Variants in METTL15 observed in about 807,000 individuals in gnomAD.
METTL15 encodes 12S rRNA N(4)-cytidine methyltransferase METTL15.
A neutral mutation model predicts 38.3 loss-of-function variants in METTL15; 34 were observed. The ratio of observed to expected loss-of-function variants is 0.89; its 90% CI spans 0.68 to 1.18. The LOEUF is 1.18. Ranked by LOEUF, METTL15 falls within the 50% of genes most tolerant of loss-of-function variation. The pLI, the probability that METTL15 is intolerant of heterozygous loss-of-function variation, is 0.00. For missense variants in METTL15, 438 were observed against 498.4 expected, an observed-to-expected ratio of 0.88 and a Z score of 1.15; for synonymous variants, 162 against 170.9, an observed-to-expected ratio of 0.95 and a Z score of 0.41.
rs1469932193 is a variant in METTL15, at chr11:28,368,912, A to G, written c.*358+6876A>G. Among the ~76,000 whole-genome samples, 3 of 152,112 alleles carry G rather than the reference A, an allele frequency of 2.0e-5. No individual in the cohort carries two copies. The East Asian group carries it at 5.8e-4, about 29-fold the overall frequency. ...CAAACTATCACAAGAACAGAAAACCAAACACCATATGTTCTCACTCATAAG... is the reference window on the plus strand; with the variant it reads ...CAAACTATCACAAGAACAGAAAACCGAACACCATATGTTCTCACTCATAAG... On this transcript the variant is annotated intron_variant and NMD_transcript_variant, in intron 5 of 7. Coordinates refer to the METTL15 transcript ENST00000532947.
chr11:28,230,733 T>G (rs537310422), intron 4 of METTL15, among the ~76,000 whole-genome samples: 5 of 151,944 alleles, frequency 3.3e-5, no homozygotes, highest in African/African-American at 1.2e-4. Flanking sequence ...CCCCCCATTT[T>G]TGCCTGATAT....
At chr11:28,406,935 G>GAAATAA (rs1307706984) in intron 5 of METTL15, among the ~76,000 whole-genome samples, 1 of 152,138 alleles carries the variant, frequency 6.6e-6, no homozygotes, top group African/African-American at 2.4e-5. Flanking sequence ...TGTGTCTATT[G>GAAATAA]AAATAATCAG....
intron 5 of METTL15, among the ~76,000 whole-genome samples, chr11:28,375,738 A>C (rs1302523446): frequency 6.6e-6 from 1 of 151,720 alleles, no homozygotes; most frequent in African/African-American, 2.4e-5. Flanking sequence ...TTGCTTTTCT[A>C]GTTCTTTTAA....
chr11:28,360,770 T>C (rs112017167), intron 4 of METTL15, among the ~76,000 whole-genome samples: 2 of 151,492 alleles, frequency 1.3e-5, no homozygotes, highest in African/African-American at 4.8e-5. Context: ...AACTCGTCAT[T>C]TAGCATTAGG....
intron 4 of METTL15, chr11:28,261,230 A>G (rs1055950159): frequency 3.9e-5 from 6 of 152,260 alleles, no homozygotes; most frequent in Non-Finnish European, 7.3e-5. Flanking sequence ...CAAAGAAATA[A>G]AGAAAAACAC....
chr11:28,154,021 T>C (rs1850181036), intron 3 of METTL15, among the ~76,000 whole-genome samples: 1 of 152,188 alleles, frequency 6.6e-6, no homozygotes, highest in Non-Finnish European at 1.5e-5. Flanking sequence ...ATAATGGAGC[T>C]GTTTGAATTT....
chr11:28,134,720 G>A lies in METTL15; in HGVS notation c.270+21116G>A, dbSNP rs536412505. On this transcript the variant is annotated intron_variant, in intron 3 of 6. Coordinates refer to ENST00000407364, the MANE Select transcript of METTL15 (RefSeq NM_001113528.2). ...TTGCATCACCATTTGAAGTTTAATGGCCTCCAAGCAAAAAGGAACAATTCG... is the reference window on the plus strand; with the variant it reads ...TTGCATCACCATTTGAAGTTTAATGACCTCCAAGCAAAAAGGAACAATTCG... 4 of 396,816 alleles carry A rather than the reference G, an allele frequency of 1.0e-5. No homozygotes were observed. In the South Asian group the frequency reaches 5.4e-4, roughly 53 times the overall value. The allele number at this position is 396,816 out of a possible 1,614,324, so 24.6% of individuals were successfully genotyped here.
At chr11:28,261,736 G>A (rs1855210413) in intron 4 of METTL15, among the ~76,000 whole-genome samples, 1 of 152,078 alleles carries the variant, frequency 6.6e-6, no homozygotes, top group Non-Finnish European at 1.5e-5. Flanking sequence ...AGTAAAAATA[G>A]TTGGCTATTA....
intron 3 of METTL15, among the ~76,000 whole-genome samples, chr11:28,205,686 A>G (rs900375539): frequency 1.3e-5 from 2 of 151,290 alleles, no homozygotes; most frequent in African/African-American, 4.9e-5. Flanking sequence ...CGCCACACTG[A>G]CTTCCACAAT....
intron 3 of METTL15, among the ~76,000 whole-genome samples, chr11:28,348,596 T>G (rs1202624652): frequency 6.6e-6 from 1 of 152,114 alleles, no homozygotes; most frequent in Non-Finnish European, 1.5e-5. Flanking sequence ...CTCGAACTTC[T>G]GGACTCAAGC....
intron 3 of METTL15, among the ~76,000 whole-genome samples, chr11:28,143,375 C>CT (rs772088974): frequency 9.2e-5 from 14 of 152,168 alleles, no homozygotes; most frequent in Non-Finnish European, 1.6e-4. Context: ...TGAAGGGACT[C>CT]TTAATTCCCA....
chr11:28,142,500 T>C (rs1849734074), intron 3 of METTL15, among the ~76,000 whole-genome samples: 1 of 152,200 alleles, frequency 6.6e-6, no homozygotes, highest in Non-Finnish European at 1.5e-5. Context: ...CAGATAACTT[T>C]TTGATTTGGT....
intron 6 of METTL15, among the ~76,000 whole-genome samples, chr11:28,321,274 C>T (rs1445086316): frequency 6.6e-6 from 1 of 152,054 alleles, no homozygotes; most frequent in Non-Finnish European, 1.5e-5. Flanking sequence ...ATGATTTCAT[C>T]CTAGAATGGA....
In METTL15 at chr11:28,286,933, C is replaced by T. The variant is rs142501830; in HGVS notation, c.408-3273C>T. On this transcript the variant is annotated intron_variant, in intron 4 of 6. Coordinates refer to ENST00000407364, the MANE Select transcript of METTL15 (RefSeq NM_001113528.2). ...TGTGTGTACATATATATGTACTCTC[C>T]GCACTATATATACATGTATTCTCCA... Among the ~76,000 whole-genome samples the T allele has an allele frequency of 1.2e-3, 178 of 150,940 alleles. 2 individuals carry two copies. Among genetic ancestry groups the T allele is most frequent in the African/African-American group, 3.8e-3 (156 of 41,098 alleles).
chr11:28,392,220 A>T (rs1850516973), intron 5 of METTL15, among the ~76,000 whole-genome samples: 1 of 151,806 alleles, frequency 6.6e-6, no homozygotes, highest in African/African-American at 2.4e-5. Context: ...AAACAATGAC[A>T]CTTTTCAAAG....
chr11:28,300,137 C>G (rs146502343), intron 6 of METTL15, among the ~76,000 whole-genome samples: 1 of 152,128 alleles, frequency 6.6e-6, no homozygotes, highest in African/African-American at 2.4e-5. Context: ...TTGTGGGGGA[C>G]TCTATAAACC....
chr11:28,492,322 C>T (rs2133482759), intron 6 of METTL15, among the ~76,000 whole-genome samples: 2 of 152,212 alleles, frequency 1.3e-5, no homozygotes, highest in African/African-American at 4.8e-5. Context: ...GCAGAGTTGA[C>T]AGGCACATCT....
chr11:28,489,582 G>A (rs1234554524), intron 6 of METTL15, among the ~76,000 whole-genome samples: 4 of 152,048 alleles, frequency 2.6e-5, no homozygotes, highest in Non-Finnish European at 5.9e-5. Flanking sequence ...GCCTTAGAAA[G>A]GGAGACTGAG....
intron 5 of METTL15, among the ~76,000 whole-genome samples, chr11:28,384,525 G>C (rs1401549878): frequency 6.6e-6 from 1 of 152,052 alleles, no homozygotes; most frequent in Non-Finnish European, 1.5e-5. Flanking sequence ...GGCCAGGCTA[G>C]TCTCAAACTC....
Sources: gnomAD v4.1 joint callset for allele counts (sites outside exome capture counted in the v4.1 genomes callset) on GRCh38, gnomAD v4.1.1 for gene constraint, MANE v1.5 for transcripts, NCBI Gene and HGNC (gene_info 2026-07-23, HGNC 2026-07-21) for gene names.